Variants in MICALL2 observed in about 807,000 individuals in gnomAD.
MICALL2 encodes the protein MICAL like 2.
Under a neutral mutation model 91.1 loss-of-function variants are expected in MICALL2, and 111 were observed. That is an observed-to-expected ratio of 1.22 (90% CI 1.04 to 1.43). The LOEUF is 1.43. Ranked by LOEUF, MICALL2 falls within the 40% of genes most tolerant of loss-of-function variation. MICALL2 has a pLI of 0.00. For missense variants in MICALL2, 1,556 were observed against 1,236.0 expected, an observed-to-expected ratio of 1.26 and a Z score of -3.88; for synonymous variants, 694 against 525.3, an observed-to-expected ratio of 1.32 and a Z score of -4.39.
rs1412866050 is a variant in MICALL2, at chr7:1,459,425, A to ACGGAAC, written c.-105_-100dup. 8.5e-6 allele frequency: 10 copies of ACGGAAC among 1,181,046 alleles called. No individual in the cohort carries two copies. Among genetic ancestry groups the ACGGAAC allele is most frequent in the Middle Eastern group, 3.1e-4 (1 of 3,274 alleles). The allele number at this position is 1,181,046 out of a possible 1,614,324, so 73.2% of individuals were successfully genotyped here. The stretch of plus-strand genomic sequence containing the variant: ...CGGCGGGACAGACGCTGGGACCGCT[A>ACGGAAC]CGGAACCGCCAGACCCACGGCGCCC... On this transcript the variant is annotated 5_prime_UTR_variant, in exon 1 of 17. Transcript: ENST00000297508.
chr7:1,444,885 G>A lies in MICALL2; in HGVS notation c.1185C>T (p.Ser395=), dbSNP rs766419074. Residue 395 remains serine, a synonymous_variant, in exon 6 of 17, where the codon TCC becomes TCT. Coordinates refer to ENST00000297508, the MANE Select transcript of MICALL2 (RefSeq NM_182924.4). ...AAPQTTLSSS[S]TSAATVDPPA... is the part of the protein sequence containing the mutation. Reference sequence around the variant, plus strand: ...GGGGGTCCACCGTGGCTGCAGATGTGGAGCTTGAACTGAGTGTGGTTTGAG... The same window carrying A: ...GGGGGTCCACCGTGGCTGCAGATGTAGAGCTTGAACTGAGTGTGGTTTGAG... The A allele has an allele frequency of 2.4e-5, 38 of 1,586,794 alleles. No individual in the cohort carries two copies. Among genetic ancestry groups the A allele is most frequent in the Admixed American group, 1.2e-4 (7 of 57,310 alleles).
chr7:1,442,552 G>GT, intron 6 of MICALL2, 68 bp from the exon 7 acceptor site: 2 of 1,429,308 alleles, frequency 1.4e-6, no homozygotes, highest in Non-Finnish European at 1.9e-6. Flanking sequence ...ACCCGAGGCC[G>GT]CCCCTCTGCC....
chr7:1,434,546 G>A lies in MICALL2; in HGVS notation c.*50C>T. ...GTCCGGGCCAAGCCCATGGCCCCGA[G>A]TCCAAGTCCGGATGCCAGGTCCGGG... is the stretch of plus-strand genomic sequence containing the variant. On this transcript the variant is annotated 3_prime_UTR_variant, in exon 17 of 17. Transcript: ENST00000297508. 6.6e-7 allele frequency: 1 copy of A among 1,526,044 alleles called. No individual in the cohort carries two copies. Among genetic ancestry groups the A allele is most frequent in the Non-Finnish European group, 9.1e-7 (1 of 1,100,432 alleles). The allele number at this position is 1,526,044 out of a possible 1,614,324, so 94.5% of individuals were successfully genotyped here.
At position 1,437,221 on chromosome 7, in the gene MICALL2, G is replaced by C. The variant is rs531017388; in HGVS notation, c.2476+314C>G. The C allele has an allele frequency of 3.8e-5, 19 of 500,848 alleles. 1 individual carries two copies. The highest frequency in any genetic ancestry group is 2.9e-4 in the African/African-American group (14 of 48,974). 31.0% of individuals were successfully genotyped at this position (500,848 alleles called of 1,614,324 possible). Reference sequence around the variant, plus strand: ...ATCACGAGACAAATGCCTATGGCTCGCCCTGACTGCTGCTACACTAAATGC... The same window carrying C: ...ATCACGAGACAAATGCCTATGGCTCCCCCTGACTGCTGCTACACTAAATGC... On this transcript the variant is annotated intron_variant, in intron 14 of 16. Coordinates refer to ENST00000297508, the MANE Select transcript of MICALL2 (RefSeq NM_182924.4).
intron 8 of MICALL2, chr7:1,440,311 CCCCACGGGA>C (rs1253407678): frequency 1.6e-6 from 1 of 632,798 alleles, no homozygotes; most frequent in African/African-American, 1.8e-5. Flanking sequence ...GAGCTCCGGG[CCCCACGGGA>C]CCCACACATG....
intron 1 of MICALL2, chr7:1,450,501 TC>T: frequency 1.8e-6 from 1 of 562,768 alleles, no homozygotes; most frequent in Non-Finnish European, 3.3e-6. Context: ...TAGTACGACA[TC>T]AGACGGCCCC....
rs756670880 is a variant in MICALL2 at position 1,444,674 on chromosome 7, C to A, written c.1396G>T (p.Ala466Ser). 2.0e-5 allele frequency: 32 copies of A among 1,611,500 alleles called. No homozygotes were observed. The South Asian group carries it at 3.0e-4, about 15-fold the overall frequency. Residue 466 changes from alanine to serine, a missense_variant, in exon 6 of 17, where the codon GCT becomes TCT. Physicochemically the swap from Ala to Ser is moderately conservative, Grantham distance 99. Coordinates refer to ENST00000297508, the MANE Select transcript of MICALL2 (RefSeq NM_182924.4). ...LKQALSALEEAGAPAPGRPSP... is the reference protein window; with the variant it reads ...LKQALSALEESGAPAPGRPSP... ...CACCTGCCAGGCGCCGGAGCGCCAG[C>A]CTCTTCCAGCGCTGAGAGGGCCTGC... is the stretch of plus-strand genomic sequence containing the variant.
At chr7:1,442,680 A>G (rs549563870) in intron 6 of MICALL2, among the ~76,000 whole-genome samples, 196 bp from the exon 7 acceptor site, 73 of 118,716 alleles carry the variant, frequency 6.1e-4, no homozygotes, top group East Asian at 1.6e-3. Flanking sequence ...CCACCATTGC[A>G]CCAGGCTGCC....
chr7:1,448,611 G>A lies in MICALL2; in HGVS notation c.334+9C>T. Reference sequence around the variant, plus strand: ...CCTGCCTGGCTCGGCGGGCGCGGCAGGGACTCACTGGGGGAGCGGCCGTGG... The same window carrying A: ...CCTGCCTGGCTCGGCGGGCGCGGCAAGGACTCACTGGGGGAGCGGCCGTGG... On this transcript the variant is annotated intron_variant, in intron 3 of 16. Transcript: ENST00000297508. 6.2e-7 allele frequency: 1 copy of A among 1,612,484 alleles called. No individual in the cohort carries two copies. The highest frequency in any genetic ancestry group is 8.5e-7 in the Non-Finnish European group (1 of 1,179,810).
rs770863269 is a variant in MICALL2 at position 1,444,643 on chromosome 7, C to T, written c.1418+9G>A. On this transcript the variant is annotated intron_variant, in intron 6 of 16. Transcript: ENST00000297508. Reference sequence around the variant, plus strand: ...CATACCCGGGGTCCCTCGGTCCCCACGCGCTCACCTGCCAGGCGCCGGAGC... The same window carrying T: ...CATACCCGGGGTCCCTCGGTCCCCATGCGCTCACCTGCCAGGCGCCGGAGC... 1.8e-5 allele frequency: 29 copies of T among 1,605,784 alleles called. No homozygotes were observed. In the Admixed American group the frequency reaches 3.4e-4, roughly 19 times the overall value.
At chr7:1,450,140 C>G (rs936772364) in intron 2 of MICALL2, 100 bp downstream of exon 2, 2 of 885,992 alleles carry the variant, frequency 2.3e-6, no homozygotes, top group Admixed American at 1.9e-5. Context: ...ACTCCCAAGG[C>G]AGGTGCAGGG....
intron 13 of MICALL2, 119 bp downstream of exon 13, chr7:1,437,771 G>A: frequency 8.0e-7 from 1 of 1,246,320 alleles, no homozygotes; most frequent in Admixed American, 2.0e-5. Flanking sequence ...ACGAGGTCCT[G>A]GACCTGCCGC....
At chr7:1,441,164 G>A (rs1780262531) in intron 7 of MICALL2, 1 of 165,378 alleles carries the variant, frequency 6.0e-6, no homozygotes, top group Admixed American at 5.8e-5. Flanking sequence ...TAAAGCCATG[G>A]GAACCTCTAG....
chr7:1,446,359 A>G (rs1034285717), intron 5 of MICALL2, among the ~76,000 whole-genome samples: 2 of 110 alleles, frequency 0.018, no homozygotes, highest in African/African-American at 0.062. Context: ...GGGAGGAGGG[A>G]GAGGAGGGGG....
Position 1,452,613 on chromosome 7 carries a change from A to G in MICALL2, c.144-2325T>C, listed in dbSNP as rs1195497026. 6.6e-6 allele frequency among the ~76,000 whole-genome samples: 1 copy of G among 151,838 alleles called. No individual in the cohort carries two copies. The highest frequency in any genetic ancestry group is 1.5e-5 in the Non-Finnish European group (1 of 67,946). On this transcript the variant is annotated intron_variant, in intron 1 of 16. Coordinates refer to ENST00000297508, the MANE Select transcript of MICALL2 (RefSeq NM_182924.4). This position sits in a 1 kb window ranked among gnomAD's most constrained non-coding sequence, Gnocchi z 6.2. ...CTGCCTCCCGCACTTGTTTCCGTCC[A>G]CCCCAGGGGCCAGCAGCGGCTCTGT... is the stretch of plus-strand genomic sequence containing the variant.
At chr7:1,444,568 G>GC (rs1780469554) in intron 6 of MICALL2, 84 bp downstream of exon 6, 48 of 1,345,236 alleles carry the variant, frequency 3.6e-5, no homozygotes, top group Non-Finnish European at 4.5e-5. Flanking sequence ...GAGGTGCAGC[G>GC]CCCCCAACCC....
chr7:1,435,969 A>G (rs577906517), intron 15 of MICALL2, among the ~76,000 whole-genome samples: 22 of 150,886 alleles, frequency 1.5e-4, no homozygotes, highest in South Asian at 8.4e-4. Context: ...GGAGAATGGC[A>G]TGAACCCTGG....
chr7:1,442,590 C>T (rs1056158643), intron 6 of MICALL2, 106 bp from the exon 7 acceptor site: 2 of 1,155,608 alleles, frequency 1.7e-6, no homozygotes, highest in South Asian at 1.5e-5. Context: ...CAATGCCCAG[C>T]CTCCGGACGG....
At chr7:1,435,562 G>A (rs924316372) in intron 15 of MICALL2, among the ~76,000 whole-genome samples, 1 of 152,140 alleles carries the variant, frequency 6.6e-6, no homozygotes, top group Non-Finnish European at 1.5e-5. Context: ...CCAGTGACCT[G>A]GGACAGAAGG....
Sources: gnomAD v4.1 joint callset for allele counts (sites outside exome capture counted in the v4.1 genomes callset) on GRCh38, gnomAD v4.1.1 for gene constraint, Gnocchi (gnomAD v3.1) non-coding constraint, MANE v1.5 for transcripts, NCBI Gene and HGNC (gene_info 2026-07-23, HGNC 2026-07-21) for gene names.